The following BRAF variants were observed in gnomAD, a reference collection of about 807,000 sequenced individuals.
The protein encoded by BRAF is B-Raf proto-oncogene, serine/threonine kinase.
In BRAF, 16 loss-of-function variants were observed where a neutral mutation model predicts 104.6. That is an observed-to-expected ratio of 0.15 (90% CI 0.10 to 0.23). The LOEUF (loss-of-function observed/expected upper bound fraction) is 0.23, where lower values mean the gene tolerates loss of function less well. Ranked by LOEUF, BRAF falls within the 10% of genes least tolerant of loss-of-function variation. The probability of loss-of-function intolerance (pLI) is 1.00; values close to 1 mark genes in which losing one functional copy is unlikely to be tolerated. For synonymous variants in BRAF, 310 were observed against 341.6 expected, an observed-to-expected ratio of 0.91 and a Z score of 1.02; for missense variants, 541 against 937.3, an observed-to-expected ratio of 0.58 and a Z score of 5.52.
At chr7:140,816,733 A>G (rs1234553108) in intron 3 of BRAF, among the ~76,000 whole-genome samples, 1 of 152,146 alleles carries the variant, frequency 6.6e-6, no homozygotes, top group Non-Finnish European at 1.5e-5. Context: ...TCACTGAGTA[A>G]ACCAAAATAG....
chr7:140,787,431 T>C (rs914661622), intron 9 of BRAF, 117 bp downstream of exon 9: 5 of 1,147,580 alleles, frequency 4.4e-6, no homozygotes, highest in Non-Finnish European at 6.3e-6. Context: ...AATTTTGGGT[T>C]TCTCTACACA....
At chr7:140,771,446 G>T (rs1328553789) in intron 14 of BRAF, among the ~76,000 whole-genome samples, 1 of 152,062 alleles carries the variant, frequency 6.6e-6, no homozygotes, top group Non-Finnish European at 1.5e-5. Context: ...CTCCTGCCTT[G>T]GCCTCACAAA....
intron 3 of BRAF, among the ~76,000 whole-genome samples, chr7:140,820,230 G>C (rs557348201): frequency 6.6e-6 from 1 of 152,232 alleles, no homozygotes; most frequent in South Asian, 2.1e-4. Flanking sequence ...TGTTGGCCAG[G>C]ATCTTGTGGG....
chr7:140,763,295 C>T lies in BRAF; in HGVS notation c.1815-9062G>A, dbSNP rs1483737325. Reference sequence around the variant, plus strand: ...CTGGCCGGGCGGGGGGCTGACCCCCCCCACCTCCCTCCTGGACAGGGCGGC... The same window carrying T: ...CTGGCCGGGCGGGGGGCTGACCCCCTCCACCTCCCTCCTGGACAGGGCGGC... On this transcript the variant is annotated intron_variant, in intron 14 of 19. Coordinates refer to ENST00000644969, the MANE Select transcript of BRAF (RefSeq NM_001374258.1). Among the ~76,000 whole-genome samples, 8 of 149,064 alleles carry T rather than the reference C, an allele frequency of 5.4e-5. No individual in the cohort carries two copies. The East Asian group carries it at 1.6e-3, about 30-fold the overall frequency.
intron 3 of BRAF, among the ~76,000 whole-genome samples, chr7:140,825,399 C>A (rs1345510404): frequency 6.6e-6 from 1 of 152,140 alleles, no homozygotes; most frequent in African/African-American, 2.4e-5. Context: ...TTTTGAAGAG[C>A]AGAAGTTTTA....
chr7:140,798,752 C>T (rs1802772424), intron 7 of BRAF, among the ~76,000 whole-genome samples: 1 of 151,792 alleles, frequency 6.6e-6, no homozygotes, highest in African/African-American at 2.4e-5. Flanking sequence ...GCCAGGAGTT[C>T]GAGAAATGTT....
intron 3 of BRAF, among the ~76,000 whole-genome samples, chr7:140,814,963 T>G (rs912566466): frequency 6.6e-6 from 1 of 151,602 alleles, no homozygotes; most frequent in African/African-American, 2.4e-5. Context: ...TGTTTTACAG[T>G]GCAGACGATT....
chr7:140,726,608 A>T (rs1006884178), intron 19 of BRAF: 1 of 1,112,936 alleles, frequency 9.0e-7, no homozygotes, highest in Non-Finnish European at 1.3e-6. Flanking sequence ...ACTGAAAAGT[A>T]ACTAGTTATA....
At chr7:140,806,619 A>T (rs1803684833) in intron 5 of BRAF, among the ~76,000 whole-genome samples, 1 of 152,186 alleles carries the variant, frequency 6.6e-6, no homozygotes, top group Non-Finnish European at 1.5e-5. Flanking sequence ...AGCTAAGAAG[A>T]ATTATTAAGA....
rs1268780384 is a variant in BRAF, at chr7:140,725,753, G to A, written c.*741C>T. Reference sequence around the variant, plus strand: ...CATTGCTGGACCCAATGAGAAAGAAGGCAATGTGTGCCAGCACTATCTAGC... The same window carrying A: ...CATTGCTGGACCCAATGAGAAAGAAAGCAATGTGTGCCAGCACTATCTAGC... On this transcript the variant is annotated 3_prime_UTR_variant, in exon 20 of 20. Coordinates refer to ENST00000644969, the MANE Select transcript of BRAF (RefSeq NM_001374258.1). 8 of 1,060,700 alleles carry A rather than the reference G, an allele frequency of 7.5e-6. No individual in the cohort carries two copies. Among genetic ancestry groups the A allele is most frequent in the South Asian group, 4.6e-5 (1 of 21,950 alleles). 65.7% of individuals were successfully genotyped at this position (1,060,700 alleles called of 1,614,324 possible).
At chr7:140,727,577 T>C (rs531321353) in intron 19 of BRAF, among the ~76,000 whole-genome samples, 3 of 152,310 alleles carry the variant, frequency 2.0e-5, no homozygotes, top group Admixed American at 1.3e-4. Context: ...TTCTGGGGAT[T>C]AGTTAATAAC....
chr7:140,901,011 G>T (rs1384380125), intron 1 of BRAF, among the ~76,000 whole-genome samples: 1 of 152,140 alleles, frequency 6.6e-6, no homozygotes, highest in African/African-American at 2.4e-5. Context: ...GCTCAGTTGG[G>T]TAACTGCTCT....
At position 140,785,710 on chromosome 7, in the gene BRAF, C is replaced by T. The variant is rs1329402179; in HGVS notation, c.1276G>A (p.Glu426Lys). Residue 426 changes from glutamate to lysine, a missense_variant, in exon 10 of 20, where the codon GAG becomes AAG. By Grantham distance (56) the Glu-to-Lys change is moderately conservative (BLOSUM62 1). Transcript: ENST00000644969. ...CTACCTCTGAACACTGGGCCAGGCT[C>T]AAAATCAAACACTATTTCACTGGGG... ...SVPSEIVFDF[E>K]PGPVFRGSTT... The T allele has an allele frequency of 1.5e-5, 6 of 398,936 alleles. No individual in the cohort carries two copies. Among genetic ancestry groups the T allele is most frequent in the Non-Finnish European group, 2.7e-5 (6 of 226,128 alleles). The allele number at this position is 398,936 out of a possible 1,614,324, so 24.7% of individuals were successfully genotyped here. A position where few individuals can be genotyped will look rare whatever the true frequency, so the allele number is the denominator to read the frequency against.
At chr7:140,918,092 C>CT (rs567113193) in intron 1 of BRAF, among the ~76,000 whole-genome samples, 9 of 152,170 alleles carry the variant, frequency 5.9e-5, no homozygotes, top group Admixed American at 2.0e-4. Flanking sequence ...AAGATTTATG[C>CT]CAGCACAAAC....
At chr7:140,732,786 G>A (rs1325684851) in intron 19 of BRAF, 1 of 152,166 alleles carries the variant, frequency 6.6e-6, no homozygotes, top group African/African-American at 2.4e-5. Flanking sequence ...TATAGAAGGA[G>A]CTCTATCAAT....
chr7:140,849,082 C>T (rs943058322), intron 2 of BRAF, among the ~76,000 whole-genome samples: 5 of 152,190 alleles, frequency 3.3e-5, no homozygotes, highest in Admixed American at 1.3e-4. Flanking sequence ...TTCTCCATCT[C>T]CTTGCCTCAC....
intron 14 of BRAF, among the ~76,000 whole-genome samples, chr7:140,765,819 T>C (rs1374295304): frequency 1.3e-5 from 2 of 151,666 alleles, no homozygotes; most frequent in Non-Finnish European, 2.9e-5. Flanking sequence ...GGAGAGGATA[T>C]GGAGAAATAG....
At chr7:140,716,211 A>G (rs1244957399), downstream of BRAF, among the ~76,000 whole-genome samples, 1 of 152,234 alleles carries the variant, frequency 6.6e-6, no homozygotes, top group Non-Finnish European at 1.5e-5. Context: ...ACATTTGAAA[A>G]GCTGGTGTAA....
intron 1 of BRAF, among the ~76,000 whole-genome samples, chr7:140,862,838 C>T (rs1810563716): frequency 1.3e-5 from 2 of 152,086 alleles, no homozygotes; most frequent in Non-Finnish European, 2.9e-5. Flanking sequence ...TTAAAAACCA[C>T]TAAATTGCAC....
Sources: allele counts gnomAD v4.1 joint callset (sites outside exome capture counted in the v4.1 genomes callset), GRCh38; gene constraint gnomAD v4.1.1; transcripts MANE v1.5; gene names NCBI Gene and HGNC (gene_info 2026-07-23, HGNC 2026-07-21).